The following EPHA4 variants were observed in gnomAD, a reference collection of about 807,000 sequenced individuals.
The protein encoded by EPHA4 is ephrin type-A receptor 4.
In EPHA4, 19 loss-of-function variants were observed where a neutral mutation model predicts 108.3. The observed-to-expected ratio is 0.18, with a 90% confidence interval of 0.12 to 0.26. EPHA4 has a LOEUF of 0.26. Among genes scored for constraint, EPHA4 ranks in the 10% least tolerant of loss-of-function variants. The pLI is 1.00. For synonymous variants in EPHA4, 449 were observed against 455.5 expected, an observed-to-expected ratio of 0.99 and a Z score of 0.18; for missense variants, 917 against 1,254.0, an observed-to-expected ratio of 0.73 and a Z score of 4.06.
At chr2:221,549,464 C>G (rs1207074019) in intron 3 of EPHA4, among the ~76,000 whole-genome samples, 2 of 152,186 alleles carry the variant, frequency 1.3e-5, no homozygotes, top group Non-Finnish European at 2.9e-5. Context: ...GGCTGTTGGT[C>G]TCTCAATAAA....
rs1694681667 is a variant in EPHA4 at position 221,566,969 on chromosome 2, G to GGAAGAGGAA, written c.159+1748_159+1749insTTCCTCTTC. Among the ~76,000 whole-genome samples, 4 of 27,654 alleles carry GGAAGAGGAA rather than the reference G, an allele frequency of 1.4e-4. 1 individual carries two copies. The highest frequency in any genetic ancestry group is 2.5e-4 in the Non-Finnish European group (4 of 16,172). 18.1% of individuals were successfully genotyped at this position (27,654 alleles called of 152,430 possible). ...GAGAAGGAGAAGGGGAAGAGGAAGA[G>GGAAGAGGAA]GAAGAAGAAGAAGAAGAAGAAGAAG... On this transcript the variant is annotated intron_variant, in intron 2 of 17. Coordinates refer to ENST00000281821, the MANE Select transcript of EPHA4 (RefSeq NM_004438.5).
In EPHA4 at chr2:221,564,022, T is replaced by G. The variant is rs770968962; in HGVS notation, c.532A>C (p.Lys178Gln). Residue 178 changes from lysine (K) to glutamine (Q), a missense_variant, in exon 3 of 18, where the codon AAA becomes CAA. Physicochemically the swap from Lys to Gln is moderately conservative, Grantham distance 53. This residue lies in a region of EPHA4 where 758 missense variants were observed against 1,076.7 expected (regional missense o/e 0.70). Transcript: ENST00000281821. ...TEIRDVGPLSKKGFYLAFQDV... is the reference protein window; with the variant it reads ...TEIRDVGPLSQKGFYLAFQDV... ...TGAAAAGCCAGGTAAAACCCCTTTTTGCTTAATGGCCCTACATCCCGGATC... is the reference window on the plus strand; with the variant it reads ...TGAAAAGCCAGGTAAAACCCCTTTTGGCTTAATGGCCCTACATCCCGGATC... 3 of 1,613,988 alleles carry G rather than the reference T, an allele frequency of 1.9e-6. No individual in the cohort carries two copies. In the Admixed American group the frequency reaches 5.0e-5, roughly 27 times the overall value.
intron 14 of EPHA4, among the ~76,000 whole-genome samples, chr2:221,431,767 T>C (rs1402553530): frequency 6.6e-6 from 1 of 152,196 alleles, no homozygotes; most frequent in Non-Finnish European, 1.5e-5. Context: ...TGCTCTTTCA[T>C]AAGCTCCCTA....
intron 3 of EPHA4, among the ~76,000 whole-genome samples, chr2:221,557,248 T>C (rs1323703603): frequency 6.6e-6 from 1 of 152,142 alleles, no homozygotes; most frequent in Non-Finnish European, 1.5e-5. Context: ...GCTTCACTCT[T>C]CCCTGTATTT....
At chr2:221,543,634 C>T (rs1167227388) in intron 3 of EPHA4, among the ~76,000 whole-genome samples, 1 of 152,158 alleles carries the variant, frequency 6.6e-6, no homozygotes, top group Non-Finnish European at 1.5e-5. Flanking sequence ...CAGCTACGCA[C>T]ACAATAAAAC....
chr2:221,465,945 G>A (rs1467163621), intron 5 of EPHA4, among the ~76,000 whole-genome samples: 1 of 152,208 alleles, frequency 6.6e-6, no homozygotes, highest in Non-Finnish European at 1.5e-5. Context: ...GTGGCCCACA[G>A]AAGATTGGTC....
intron 3 of EPHA4, 95 bp downstream of exon 3, chr2:221,563,636 C>CTACT (rs1284806318): frequency 7.1e-7 from 1 of 1,417,426 alleles, no homozygotes; most frequent in East Asian, 2.3e-5. Flanking sequence ...CCCACAGGGG[C>CTACT]TACTAATTAC....
At chr2:221,531,388 A>G (rs1693508779) in intron 3 of EPHA4, among the ~76,000 whole-genome samples, 1 of 152,118 alleles carries the variant, frequency 6.6e-6, no homozygotes, top group Non-Finnish European at 1.5e-5. Flanking sequence ...AAAAGTCAGC[A>G]TGCCTGGGAC....
At chr2:221,450,784 A>G (rs957646787) in intron 8 of EPHA4, among the ~76,000 whole-genome samples, 1 of 152,184 alleles carries the variant, frequency 6.6e-6, no homozygotes, top group South Asian at 2.1e-4. Flanking sequence ...CAATCATTAG[A>G]AGGTTCGTAT....
intron 3 of EPHA4, among the ~76,000 whole-genome samples, chr2:221,556,456 CCAGCTA>C (rs2106202734): frequency 6.6e-6 from 1 of 151,234 alleles, no homozygotes; most frequent in East Asian, 1.9e-4. Context: ...ACCACCATGC[CCAGCTA>C]ATTTTTGTAT....
rs1278336820 is a variant in EPHA4, at chr2:221,566,488, AAATT to A, written c.160-2098_160-2095del. 1.7e-4 allele frequency among the ~76,000 whole-genome samples: 26 copies of A among 152,142 alleles called. 1 individual carries two copies. Among genetic ancestry groups the A allele is most frequent in the Admixed American group, 9.2e-4 (14 of 15,262 alleles). Reference sequence around the variant, plus strand: ...AGTCCTCGTCAATTATAAAATCTAGAAATTAATTAAACTTTATAACTTGACACAA... The same window carrying A: ...AGTCCTCGTCAATTATAAAATCTAGAAATTAAACTTTATAACTTGACACAA... On this transcript the variant is annotated intron_variant, in intron 2 of 17. Transcript: ENST00000281821.
At chr2:221,497,252 T>C (rs573104350) in intron 4 of EPHA4, among the ~76,000 whole-genome samples, 1 of 152,284 alleles carries the variant, frequency 6.6e-6, no homozygotes, top group African/African-American at 2.4e-5. Flanking sequence ...CAGAGGTAGA[T>C]GGTGAGAATT....
chr2:221,443,578 C>T lies in EPHA4; in HGVS notation c.1803G>A (p.Thr601=), dbSNP rs140279818. 14 of 1,613,704 alleles carry T rather than the reference C, an allele frequency of 8.7e-6. No individual in the cohort carries two copies. The highest frequency in any genetic ancestry group is 6.7e-5 in the East Asian group (3 of 44,856). ...QGVRTYVDPF[T]YEDPNQAVRE... ...GCACTGCTTGGTTGGGATCTTCGTACGTAAAGGGGTCCACATATGTTCTTA... is the reference window on the plus strand; with the variant it reads ...GCACTGCTTGGTTGGGATCTTCGTATGTAAAGGGGTCCACATATGTTCTTA... The change falls in exon 10 of 18, where the codon ACG becomes ACA. Residue 601 remains threonine, a synonymous_variant. Coordinates refer to ENST00000281821, the MANE Select transcript of EPHA4 (RefSeq NM_004438.5).
intron 3 of EPHA4, among the ~76,000 whole-genome samples, chr2:221,524,003 A>AAT (rs767611380): frequency 2.1e-4 from 32 of 152,250 alleles, no homozygotes; most frequent in Non-Finnish European, 3.7e-4. Context: ...AAGCAAAACA[A>AAT]ATATATATAT....
chr2:221,463,118 G>A (rs893910003), intron 5 of EPHA4, among the ~76,000 whole-genome samples: 1 of 152,188 alleles, frequency 6.6e-6, no homozygotes, highest in Non-Finnish European at 1.5e-5. Flanking sequence ...GGGGGTAATA[G>A]GGTGGAGAGC....
chr2:221,430,216 C>T (rs559840746), intron 14 of EPHA4, 65 bp from the exon 15 acceptor site: 357 of 1,492,574 alleles, frequency 2.4e-4, no homozygotes, highest in Non-Finnish European at 8.7e-5. Context: ...GTTCACCCTT[C>T]CGACTGGCAT....
Position 221,568,795 on chromosome 2 carries a change from A to G in EPHA4, c.92-10T>C, listed in dbSNP as rs1278249571. ...GAATCCAATAAGGTAACTGCAAAAAACAAAAGAAAAATAGATGAATTTCCA... is the reference window on the plus strand; with the variant it reads ...GAATCCAATAAGGTAACTGCAAAAAGCAAAAGAAAAATAGATGAATTTCCA... On this transcript the variant is annotated splice_polypyrimidine_tract_variant and intron_variant, in intron 1 of 17. Transcript: ENST00000281821. 3 of 1,610,540 alleles carry G rather than the reference A, an allele frequency of 1.9e-6. No individual in the cohort carries two copies. Among genetic ancestry groups the G allele is most frequent in the Non-Finnish European group, 2.5e-6 (3 of 1,178,680 alleles).
intron 11 of EPHA4, among the ~76,000 whole-genome samples, chr2:221,438,878 G>A (rs1019489747): frequency 2.6e-5 from 4 of 152,052 alleles, no homozygotes; most frequent in African/African-American, 7.3e-5. Flanking sequence ...CTATTTCACC[G>A]CTGAAAAGCA....
chr2:221,570,183 A>C lies in EPHA4; in HGVS notation c.92-1398T>G, dbSNP rs184009394. Among the ~76,000 whole-genome samples the C allele has an allele frequency of 3.6e-3, 542 of 152,104 alleles. 1 individual carries two copies. Among genetic ancestry groups the C allele is most frequent in the Non-Finnish European group, 6.6e-3 (450 of 67,964 alleles). ...AGAGAGAAAAGGAAACGTGATGGGA[A>C]TAGAAAGCAACAAAGTGAATTAATT... On this transcript the variant is annotated intron_variant, in intron 1 of 17. Coordinates refer to ENST00000281821, the MANE Select transcript of EPHA4 (RefSeq NM_004438.5).
Sources: allele counts gnomAD v4.1 joint callset (sites outside exome capture counted in the v4.1 genomes callset), GRCh38; gene constraint gnomAD v4.1.1; regional missense constraint gnomAD v4.1.1; transcripts MANE v1.5; gene names NCBI Gene and HGNC (gene_info 2026-07-23, HGNC 2026-07-21).